PUDP: variants seen among roughly 807,000 people sequenced by gnomAD.
The protein encoded by PUDP is pseudouridine-5'-phosphatase.
In PUDP, 8 loss-of-function variants were observed where a neutral mutation model predicts 9.4. The ratio of observed to expected loss-of-function variants is 0.85; its 90% CI spans 0.50 to 1.53. The LOEUF is 1.53. PUDP is among the 40% of genes most tolerant of loss of function. The pLI, the probability that PUDP is intolerant of heterozygous loss-of-function variation, is 0.00. For synonymous variants in PUDP, 99 were observed against 80.7 expected, an observed-to-expected ratio of 1.23 and a Z score of -1.22; for missense variants, 188 against 189.7, an observed-to-expected ratio of 0.99 and a Z score of 0.05.
Position 6,810,408 on chromosome X carries a change from A to G in PUDP, c.*248-103942T>C, listed in dbSNP as rs369924308. Among the ~76,000 whole-genome samples the G allele has an allele frequency of 5.4e-5, 6 of 111,798 alleles. No homozygotes were observed. In the Admixed American group the frequency reaches 5.7e-4, roughly 11 times the overall value. ...GAAACAGGTTGTAACAAACGATCAC[A>G]GAAAACATAGCCCTATTTGGAAACT... is the stretch of plus-strand genomic sequence containing the variant. On this transcript the variant is annotated intron_variant and NMD_transcript_variant, in intron 3 of 3. Coordinates refer to the PUDP transcript ENST00000655425.
At chrX:6,993,932 C>G (rs1929218385) in intron 1 of PUDP, among the ~76,000 whole-genome samples, 2 of 111,585 alleles carry the variant, frequency 1.8e-5, no homozygotes, top group Non-Finnish European at 1.9e-5. Context: ...AATACAAAAT[C>G]CATATGAAAT....
At chrX:7,141,316 C>T (rs954043983) in intron 1 of PUDP, among the ~76,000 whole-genome samples, 6 of 112,771 alleles carry the variant, frequency 5.3e-5, no homozygotes, top group African/African-American at 1.9e-4. Context: ...CCAGTGAACA[C>T]GTGAATGATG....
At chrX:6,722,145 G>A (rs979428166), upstream of PUDP, among the ~76,000 whole-genome samples, 1 of 111,007 alleles carries the variant, frequency 9.0e-6, no homozygotes, top group Non-Finnish European at 1.9e-5. Context: ...AAATCTGGTG[G>A]ATTAAAAATC....
At position 6,891,447 on chromosome X, in the gene PUDP, C is replaced by T. The variant is rs188586566; in HGVS notation, c.*247+85686G>A. Among the ~76,000 whole-genome samples, 3 of 112,032 alleles carry T rather than the reference C, an allele frequency of 2.7e-5. No homozygotes were observed. In the East Asian group the frequency reaches 8.5e-4, roughly 32 times the overall value. ...TCGATTCACAGGCTCTCTGCCTTCC[C>T]CTTTCTTTCCATTCTCAAAGCAATC... is the stretch of plus-strand genomic sequence containing the variant. On this transcript the variant is annotated intron_variant and NMD_transcript_variant, in intron 3 of 3. Coordinates refer to the PUDP transcript ENST00000655425.
At chrX:7,044,869 T>C (rs1569144603), downstream of PUDP, among the ~76,000 whole-genome samples, 1 of 112,964 alleles carries the variant, frequency 8.9e-6, no homozygotes, top group Non-Finnish European at 1.9e-5. Flanking sequence ...CTTTCTTTGC[T>C]AGGTAAGCAC....
chrX:7,147,913 G>A (rs1263671171), intron 1 of PUDP, 140 bp downstream of exon 1: 33 of 419,556 alleles, frequency 7.9e-5, no homozygotes, highest in Non-Finnish European at 1.2e-4. Flanking sequence ...CCAGCCGGGG[G>A]CAGAGCGCGC....
intron 3 of PUDP, among the ~76,000 whole-genome samples, chrX:6,803,667 AT>A (rs1484285040): frequency 8.9e-6 from 1 of 112,366 alleles, no homozygotes; most frequent in Non-Finnish European, 1.9e-5. Flanking sequence ...AGTGATGTAC[AT>A]ATCTCCGAGT....
intron 3 of PUDP, among the ~76,000 whole-genome samples, chrX:7,053,111 C>T (rs973713191): frequency 3.6e-5 from 4 of 111,918 alleles, no homozygotes; most frequent in East Asian, 2.8e-4. Context: ...TCACCTTCTC[C>T]GGGGATTCTG....
chrX:6,881,212 CTT>C (rs1344376532), intron 3 of PUDP, among the ~76,000 whole-genome samples: 1 of 111,872 alleles, frequency 8.9e-6, no homozygotes, highest in East Asian at 2.8e-4. Context: ...CACTCCATAA[CTT>C]AAGACAGCAA....
At chrX:7,071,122 T>A (rs1277378782) in intron 3 of PUDP, among the ~76,000 whole-genome samples, 2 of 111,952 alleles carry the variant, frequency 1.8e-5, no homozygotes, top group Non-Finnish European at 3.8e-5. Context: ...TACATCTTTT[T>A]TTCAGTTTTT....
At chrX:7,094,649 C>T (rs1328249770) in intron 2 of PUDP, among the ~76,000 whole-genome samples, 3 of 111,144 alleles carry the variant, frequency 2.7e-5, no homozygotes, top group African/African-American at 6.5e-5. Context: ...CATGAGCCAC[C>T]GCGCCTGGCC....
chrX:6,872,696 TAAAAAAAAAA>T (rs199625491), intron 3 of PUDP, among the ~76,000 whole-genome samples: 1 of 63,850 alleles, frequency 1.6e-5, no homozygotes, highest in Non-Finnish European at 3.0e-5. Flanking sequence ...AAGATTCCAT[TAAAAAAAAAA>T]AAAAAAAAAA....
chrX:7,086,379 AATTT>A (rs1454173021), intron 2 of PUDP, among the ~76,000 whole-genome samples: 5 of 112,562 alleles, frequency 4.4e-5, no homozygotes, highest in Non-Finnish European at 9.4e-5. Flanking sequence ...AATATTAACT[AATTT>A]AGGAAATCTG....
chrX:6,722,483 C>T (rs754706841), upstream of PUDP, among the ~76,000 whole-genome samples: 3 of 109,679 alleles, frequency 2.7e-5, no homozygotes, highest in South Asian at 1.1e-3. Context: ...AATGCCCAAA[C>T]AACTAGAAGA....
chrX:7,088,337 T>G (rs1268052415), intron 2 of PUDP, among the ~76,000 whole-genome samples: 1 of 111,318 alleles, frequency 9.0e-6, no homozygotes, highest in Non-Finnish European at 1.9e-5. Flanking sequence ...CCCACAGTGC[T>G]GCAACTACAG....
At chrX:6,731,216 G>A (rs890310175) in intron 3 of PUDP, among the ~76,000 whole-genome samples, 3 of 111,926 alleles carry the variant, frequency 2.7e-5, no homozygotes, top group African/African-American at 9.8e-5. Flanking sequence ...GAATGCAGGT[G>A]TGTGCCACCA....
chrX:7,128,841 A>G (rs1429806467), intron 1 of PUDP, among the ~76,000 whole-genome samples: 1 of 112,322 alleles, frequency 8.9e-6, no homozygotes, highest in East Asian at 2.8e-4. Context: ...GCGGATAAAA[A>G]TCAGGCAGCC....
intron 1 of PUDP, among the ~76,000 whole-genome samples, chrX:7,010,876 T>C (rs1256760860): frequency 8.9e-6 from 1 of 111,979 alleles, no homozygotes; most frequent in Non-Finnish European, 1.9e-5. Context: ...CTTTCCTTTA[T>C]TCAATACAGC....
At chrX:7,070,215 AAAG>A (rs1930686177) in intron 3 of PUDP, among the ~76,000 whole-genome samples, 1 of 112,610 alleles carries the variant, frequency 8.9e-6, no homozygotes, top group Non-Finnish European at 1.9e-5. Flanking sequence ...CAATGAAAGA[AAAG>A]AAGTGTAAGG....
Sources: gnomAD v4.1 joint callset for allele counts (sites outside exome capture counted in the v4.1 genomes callset) on GRCh38, gnomAD v4.1.1 for gene constraint, MANE v1.5 for transcripts, NCBI Gene and HGNC (gene_info 2026-07-23, HGNC 2026-07-21) for gene names.